The following SEZ6L variants were observed in gnomAD, a reference collection of about 807,000 sequenced individuals.
SEZ6L encodes seizure related 6 homolog like, also known as seizure 6-like protein.
In SEZ6L, 37 loss-of-function variants were observed where a neutral mutation model predicts 106.2. The observed-to-expected ratio is 0.35, with a 90% CI of 0.27 to 0.46. SEZ6L has a LOEUF of 0.46. Ranked by LOEUF, SEZ6L falls within the 20% of genes least tolerant of loss-of-function variation. SEZ6L has a pLI of 1.00. For synonymous variants in SEZ6L, 541 were observed against 570.4 expected (o/e 0.95, Z 0.73); for missense variants, 1,172 against 1,332.8 (o/e 0.88, Z 1.88).
intron 1 of SEZ6L, among the ~76,000 whole-genome samples, chr22:26,236,815 T>C (rs1292907736): frequency 1.3e-5 from 2 of 152,250 alleles, no homozygotes; most frequent in African/African-American, 4.8e-5. Context: ...ATCCTGACCA[T>C]GGCCTCTGAG....
intron 1 of SEZ6L, among the ~76,000 whole-genome samples, chr22:26,179,437 G>A (rs1372843154): frequency 1.3e-5 from 2 of 152,134 alleles, no homozygotes; most frequent in Non-Finnish European, 2.9e-5. Context: ...TTCACCATGA[G>A]AGGTAGAAAT....
intron 12 of SEZ6L, among the ~76,000 whole-genome samples, chr22:26,363,020 T>A (rs533164135): frequency 9.8e-5 from 15 of 152,312 alleles, no homozygotes; most frequent in African/African-American, 3.6e-4. Flanking sequence ...GCCAGGCAAG[T>A]ACCACGTGAA....
At chr22:26,352,517 T>C (rs1047438772) in intron 12 of SEZ6L, among the ~76,000 whole-genome samples, 2 of 152,248 alleles carry the variant, frequency 1.3e-5, no homozygotes, top group Non-Finnish European at 2.9e-5. Context: ...GTACAATTTA[T>C]AGACTTGGCC....
In SEZ6L at chr22:26,188,090, C is replaced by T. The variant is rs552213350; in HGVS notation, c.94+18327C>T. Among the ~76,000 whole-genome samples, 6 of 152,324 alleles carry T rather than the reference C, an allele frequency of 3.9e-5. No homozygotes were observed. In the East Asian group the frequency reaches 5.8e-4, roughly 15 times the overall value. ...AAGAGAGTTGACCCATAACTGAGAA[C>T]TGGGACCCTTCCTTCTTCACCTGCA... On this transcript the variant is annotated intron_variant, in intron 1 of 16. Transcript: ENST00000248933.
chr22:26,215,159 A>G (rs1385454283), intron 1 of SEZ6L, among the ~76,000 whole-genome samples: 2 of 152,222 alleles, frequency 1.3e-5, no homozygotes, highest in Non-Finnish European at 1.5e-5. Flanking sequence ...ATTTACTTAA[A>G]TTTATTGTTT....
At chr22:26,263,576 A>T (rs1241390773) in intron 1 of SEZ6L, among the ~76,000 whole-genome samples, 2 of 152,192 alleles carry the variant, frequency 1.3e-5, no homozygotes, top group Non-Finnish European at 2.9e-5. Context: ...CTCAAATCAC[A>T]CATTTAAGGA....
chr22:26,276,791 G>A (rs2080559424), intron 1 of SEZ6L, among the ~76,000 whole-genome samples: 1 of 152,188 alleles, frequency 6.6e-6, no homozygotes. Context: ...TGTGAGGGGA[G>A]GTGGTTATGA....
chr22:26,290,253 C>T (rs971780386), intron 1 of SEZ6L, among the ~76,000 whole-genome samples: 20 of 152,294 alleles, frequency 1.3e-4, no homozygotes, highest in Middle Eastern at 3.4e-3. Flanking sequence ...ACTATTGGGC[C>T]GGGCGCGGTG....
intron 1 of SEZ6L, among the ~76,000 whole-genome samples, chr22:26,284,644 G>T: frequency 6.8e-6 from 1 of 145,988 alleles, no homozygotes; most frequent in African/African-American, 2.6e-5. Context: ...CCTAATGACG[G>T]TTTAAACAAG....
chr22:26,352,740 C>T (rs746701584), intron 12 of SEZ6L, among the ~76,000 whole-genome samples: 1 of 152,202 alleles, frequency 6.6e-6, no homozygotes. Context: ...CTAAGAATGG[C>T]GCATGCATTA....
intron 1 of SEZ6L, among the ~76,000 whole-genome samples, chr22:26,220,927 G>GGATGGAT (rs770306794): frequency 7.9e-5 from 12 of 151,684 alleles, no homozygotes; most frequent in Non-Finnish European, 1.3e-4. Context: ...ATGGATGGAT[G>GGATGGAT]GGTGGATGGA....
intron 9 of SEZ6L, among the ~76,000 whole-genome samples, chr22:26,321,863 C>T (rs146649996): frequency 2.4e-3 from 365 of 152,156 alleles, no homozygotes; most frequent in African/African-American, 8.3e-3. Flanking sequence ...TGAATGAGGA[C>T]GTAAGCCACA....
At chr22:26,379,637 A>C (rs1302286287) in intron 16 of SEZ6L, among the ~76,000 whole-genome samples, 1 of 74,430 alleles carries the variant, frequency 1.3e-5, no homozygotes, top group African/African-American at 4.5e-5. Context: ...TGAAGAAATC[A>C]AACTACCCCC....
chr22:26,377,740 G>A lies in SEZ6L; in HGVS notation c.3010G>A (p.Glu1004Lys), dbSNP rs1162199913. The change falls in exon 16 of 17, where the codon GAA becomes AAA. Residue 1004 changes from glutamate (E) to lysine (K), a missense_variant. Transcript: ENST00000248933. Reference protein sequence around the residue: ...YSHPYSQITVETEFDNPIYET... With the variant: ...YSHPYSQITVKTEFDNPIYET... ...CCACCCCTACAGCCAGATCACCGTGGAAACCGAGTTTGACAACCCCATTTA... is the reference window on the plus strand; with the variant it reads ...CCACCCCTACAGCCAGATCACCGTGAAAACCGAGTTTGACAACCCCATTTA... The A allele has an allele frequency of 6.2e-7, 1 of 1,613,986 alleles. No individual in the cohort carries two copies. Among genetic ancestry groups the A allele is most frequent in the Non-Finnish European group, 8.5e-7 (1 of 1,179,904 alleles).
Position 26,344,047 on chromosome 22 carries a change from T to G in SEZ6L, c.2212+3415T>G, listed in dbSNP as rs549868527. ...TTACCATACATGGGAGTTACACAGATGTAACTCCCATTCAATGGATGCATC... is the reference window on the plus strand; with the variant it reads ...TTACCATACATGGGAGTTACACAGAGGTAACTCCCATTCAATGGATGCATC... On this transcript the variant is annotated intron_variant, in intron 10 of 16. Coordinates refer to ENST00000248933, the MANE Select transcript of SEZ6L (RefSeq NM_021115.5). 1.3e-4 allele frequency among the ~76,000 whole-genome samples: 20 copies of G among 152,296 alleles called. No individual in the cohort carries two copies. In the South Asian group the frequency reaches 4.1e-3, roughly 32 times the overall value.
At chr22:26,294,933 C>CTCTTTCTTTCTT (rs35822818) in intron 3 of SEZ6L, among the ~76,000 whole-genome samples, 5 of 73,848 alleles carry the variant, frequency 6.8e-5, no homozygotes, top group Admixed American at 3.6e-4. Context: ...CTTTCTCTTT[C>CTCTTTCTTTCTT]TCTTTCTTTC....
At chr22:26,270,351 G>A (rs1176095589) in intron 1 of SEZ6L, among the ~76,000 whole-genome samples, 3 of 151,996 alleles carry the variant, frequency 2.0e-5, no homozygotes, top group African/African-American at 7.3e-5. Context: ...TCTAAAATAA[G>A]AATTCCTTTG....
intron 1 of SEZ6L, among the ~76,000 whole-genome samples, chr22:26,280,327 T>A (rs551378425): frequency 3.4e-4 from 51 of 152,176 alleles, no homozygotes; most frequent in Non-Finnish European, 6.0e-4. Flanking sequence ...AAATTCTCCT[T>A]TCCATCTTTA....
intron 12 of SEZ6L, among the ~76,000 whole-genome samples, chr22:26,358,010 C>T (rs5997073): frequency 0.076 from 11,608 of 152,214 alleles, 1,565 homozygotes; most frequent in African/African-American, 0.27. Flanking sequence ...ACCTGGGATA[C>T]GAGACACAGG....
Sources: gnomAD v4.1 joint callset for allele counts (sites outside exome capture counted in the v4.1 genomes callset) on GRCh38, gnomAD v4.1.1 for gene constraint, MANE v1.5 for transcripts, NCBI Gene and HGNC (gene_info 2026-07-23, HGNC 2026-07-21) for gene names.